The following GTF2B variants were observed in gnomAD, a reference collection of about 807,000 sequenced individuals.
GTF2B encodes the protein general transcription factor IIB, also known as transcription initiation factor IIB.
Under a neutral mutation model 34.6 loss-of-function variants are expected in GTF2B, and 20 were observed. The observed-to-expected ratio is 0.58, with a 90% CI of 0.41 to 0.84. GTF2B has a LOEUF of 0.84. Ranked by LOEUF, GTF2B falls within the 40% of genes least tolerant of loss-of-function variation. The pLI is 0.00. For synonymous variants in GTF2B, 142 were observed against 132.4 expected (o/e 1.07, Z -0.50); for missense variants, 237 against 393.3 (o/e 0.60, Z 3.36).
At chr1:88,882,328 A>AAAC (rs1673969724) in intron 2 of GTF2B, among the ~76,000 whole-genome samples, 2 of 150,148 alleles carry the variant, frequency 1.3e-5, no homozygotes, top group African/African-American at 4.9e-5. Context: ...AAAAAAAAAA[A>AAAC]AAAAAAAAAC....
chr1:88,886,770 T>C (rs1460813164), intron 2 of GTF2B, among the ~76,000 whole-genome samples: 3 of 151,974 alleles, frequency 2.0e-5, no homozygotes, highest in Admixed American at 6.6e-5. Flanking sequence ...GGATATACAA[T>C]AAAATATATC....
intron 2 of GTF2B, among the ~76,000 whole-genome samples, chr1:88,884,533 T>TAA (rs748057856): frequency 9.9e-5 from 15 of 152,260 alleles, no homozygotes; most frequent in Non-Finnish European, 1.9e-4. Context: ...ATACATTTCT[T>TAA]CAGCTGTTGC....
At chr1:88,874,264 G>A (rs1391702197) in intron 2 of GTF2B, among the ~76,000 whole-genome samples, 7 of 152,038 alleles carry the variant, frequency 4.6e-5, no homozygotes, top group Admixed American at 2.0e-4. Context: ...AGACTCTTAA[G>A]AGTGTTTTTG....
intron 1 of GTF2B, among the ~76,000 whole-genome samples, chr1:88,888,298 GT>G (rs1365193431): frequency 6.6e-6 from 1 of 152,160 alleles, no homozygotes; most frequent in Non-Finnish European, 1.5e-5. Context: ...AATTCAGAAT[GT>G]TAACTCTCAA....
chr1:88,866,933 G>T (rs142094523), intron 2 of GTF2B, among the ~76,000 whole-genome samples: 1 of 152,128 alleles, frequency 6.6e-6, no homozygotes, highest in Non-Finnish European at 1.5e-5. Context: ...GGAGAAAAGC[G>T]TTAGATGGAT....
Position 88,891,500 on chromosome 1 carries a change from C to T in GTF2B, c.-1G>A, listed in dbSNP as rs995628767. 1 of 1,602,532 alleles carries T rather than the reference C, an allele frequency of 6.2e-7. No individual in the cohort carries two copies. Among genetic ancestry groups the T allele is most frequent in the African/African-American group, 1.3e-5 (1 of 74,668 alleles). On this transcript the variant is annotated 5_prime_UTR_variant, in exon 1 of 7. Coordinates refer to ENST00000370500, the MANE Select transcript of GTF2B (RefSeq NM_001514.6). The stretch of plus-strand genomic sequence containing the variant: ...ATACTAACCGGCTGGTAGACGCCAT[C>T]TTCACGGCGACTGCGGTGCCCGCAA...
chr1:88,859,847 C>CA, intron 5 of GTF2B, 35 bp downstream of exon 5: 1 of 1,597,776 alleles, frequency 6.3e-7, no homozygotes, highest in Non-Finnish European at 8.6e-7. Flanking sequence ...AACAAACAAA[C>CA]AAACAAACAC....
At chr1:88,856,929 A>G (rs911053609) in intron 6 of GTF2B, among the ~76,000 whole-genome samples, 1 of 151,714 alleles carries the variant, frequency 6.6e-6, no homozygotes, top group Admixed American at 6.6e-5. Context: ...AGCCTCCTGA[A>G]TAGCTGGGAT....
chr1:88,891,447 C>G, intron 1 of GTF2B, 36 bp downstream of exon 1: 1 of 1,579,540 alleles, frequency 6.3e-7, no homozygotes, highest in Non-Finnish European at 8.7e-7. Context: ...CTCGCGCCCG[C>G]CCCTCAGCTC....
chr1:88,867,583 A>G (rs181148759), intron 2 of GTF2B, among the ~76,000 whole-genome samples: 6 of 152,338 alleles, frequency 3.9e-5, no homozygotes, highest in Admixed American at 2.6e-4. Flanking sequence ...ATAACTTGCA[A>G]TATTTTTATT....
In GTF2B at chr1:88,873,334, C is replaced by G. The variant is rs115467233; in HGVS notation, c.125-9220G>C. Among the ~76,000 whole-genome samples, 681 of 151,854 alleles carry G rather than the reference C, an allele frequency of 4.5e-3. 1 individual carries two copies. Among genetic ancestry groups the G allele is most frequent in the African/African-American group, 0.015 (639 of 41,406 alleles). On this transcript the variant is annotated intron_variant, in intron 2 of 6. Transcript: ENST00000370500. Reference sequence around the variant, plus strand: ...CCTTCTAAGTAGCTGGGATAACAGGCGCGCACCACCACGCCAGGCTAATGC... The same window carrying G: ...CCTTCTAAGTAGCTGGGATAACAGGGGCGCACCACCACGCCAGGCTAATGC...
rs1673336233 is a variant in GTF2B, at chr1:88,857,444, C to T, written c.579G>A (p.Arg193=). Residue 193 remains arginine (R), a synonymous_variant, in exon 6 of 7, where the codon CGG becomes CGA. Coordinates refer to ENST00000370500, the MANE Select transcript of GTF2B (RefSeq NM_001514.6). Reference sequence around the variant, plus strand: ...GCGCTTTCAAAATAAGTTTAAAACACCGACCAATTTCTTTCTTAGAAATTC... The same window carrying T: ...GCGCTTTCAAAATAAGTTTAAAACATCGACCAATTTCTTTCTTAGAAATTC... ...VSRISKKEIG[R]CFKLILKALE... The T allele has an allele frequency of 1.2e-6, 2 of 1,604,680 alleles. No individual in the cohort carries two copies. Among genetic ancestry groups the T allele is most frequent in the South Asian group, 2.2e-5 (2 of 90,540 alleles).
chr1:88,883,691 A>G (rs1474218384), intron 2 of GTF2B, among the ~76,000 whole-genome samples: 1 of 152,156 alleles, frequency 6.6e-6, no homozygotes, highest in Non-Finnish European at 1.5e-5. Context: ...TGATATTGAT[A>G]GTTACGTGCA....
At chr1:88,890,775 T>C (rs562478763) in intron 1 of GTF2B, among the ~76,000 whole-genome samples, 3 of 152,308 alleles carry the variant, frequency 2.0e-5, no homozygotes, top group African/African-American at 7.2e-5. Context: ...GCATTTCCTG[T>C]AGATATGAGT....
chr1:88,883,408 A>G (rs1391521759), intron 2 of GTF2B, among the ~76,000 whole-genome samples: 2 of 152,190 alleles, frequency 1.3e-5, no homozygotes, highest in Non-Finnish European at 1.5e-5. Context: ...TTCAGCTTCT[A>G]TTTCTAACAA....
intron 2 of GTF2B, among the ~76,000 whole-genome samples, chr1:88,878,485 A>T (rs1673861936): frequency 6.6e-6 from 1 of 152,264 alleles, no homozygotes; most frequent in Non-Finnish European, 1.5e-5. Flanking sequence ...GTTTTAAGAG[A>T]CACTAAATAA....
chr1:88,859,939 C>A lies in GTF2B; in HGVS notation c.478G>T (p.Ala160Ser). The A allele has an allele frequency of 6.2e-7, 1 of 1,613,608 alleles. No homozygotes were observed. The highest frequency in any genetic ancestry group is 8.5e-7 in the Non-Finnish European group (1 of 1,179,600). ...CAGGCAATATAGAGACAAGCAGAAG[C>A]TATAGCATCATTAGCTCTTCCCTTC... ...SLKGRANDAI[A>S]SACLYIACRQ... Residue 160 changes from alanine (A) to serine (S), a missense_variant, in exon 5 of 7, where the codon GCT (alanine) becomes TCT (serine). Ala to Ser is a moderately conservative substitution (Grantham distance 99). Coordinates refer to ENST00000370500, the MANE Select transcript of GTF2B (RefSeq NM_001514.6).
intron 2 of GTF2B, among the ~76,000 whole-genome samples, chr1:88,878,077 T>C (rs890020533): frequency 2.0e-5 from 3 of 152,200 alleles, no homozygotes; most frequent in Admixed American, 1.3e-4. Context: ...AAGACCAGCA[T>C]GGGCAACACA....
At chr1:88,865,031 G>C (rs987030478) in intron 2 of GTF2B, among the ~76,000 whole-genome samples, 1 of 152,196 alleles carries the variant, frequency 6.6e-6, no homozygotes, top group East Asian at 1.9e-4. Flanking sequence ...CTGAAAGTAG[G>C]AAGGAACCAG....
Sources: allele counts gnomAD v4.1 joint callset (sites outside exome capture counted in the v4.1 genomes callset), GRCh38; gene constraint gnomAD v4.1.1; transcripts MANE v1.5; gene names NCBI Gene and HGNC (gene_info 2026-07-23, HGNC 2026-07-21).